TRA2A: variants seen among roughly 807,000 people sequenced by gnomAD.
TRA2A encodes the protein transformer 2 alpha homolog, also known as transformer-2 protein homolog alpha.
In TRA2A, 31 loss-of-function variants were observed where a neutral mutation model predicts 45.7. That is an observed-to-expected ratio of 0.68 (90% CI 0.51 to 0.92). The LOEUF (loss-of-function observed/expected upper bound fraction) is 0.92, where lower values mean the gene tolerates loss of function less well. Ranked by LOEUF, TRA2A falls within the 40% of genes least tolerant of loss-of-function variation. The pLI is 0.00. For missense variants in TRA2A, 304 were observed against 367.5 expected, an observed-to-expected ratio of 0.83 and a Z score of 1.41; for synonymous variants, 132 against 126.2, an observed-to-expected ratio of 1.05 and a Z score of -0.31.
intron 4 of TRA2A, among the ~76,000 whole-genome samples, chr7:23,509,768 C>T (rs1433266424): frequency 1.3e-5 from 2 of 151,812 alleles, no homozygotes; most frequent in African/African-American, 4.8e-5. Context: ...TGAAGTGGCT[C>T]ATGCCTGTAA....
intron 2 of TRA2A, among the ~76,000 whole-genome samples, chr7:23,521,294 G>A (rs1010450403): frequency 2.0e-5 from 3 of 152,154 alleles, no homozygotes; most frequent in East Asian, 1.9e-4. Flanking sequence ...GCAGAAAACC[G>A]CCTTTTTGTT....
At chr7:23,531,706 C>T in intron 1 of TRA2A, 83 bp downstream of exon 1, 2 of 1,532,666 alleles carry the variant, frequency 1.3e-6, no homozygotes, top group Non-Finnish European at 1.8e-6. Context: ...GGACTACCCG[C>T]AACCCCGCCC....
chr7:23,515,516 C>T (rs780064335), intron 3 of TRA2A, among the ~76,000 whole-genome samples: 9 of 150,792 alleles, frequency 6.0e-5, no homozygotes, highest in East Asian at 4.0e-4. Flanking sequence ...CACGCCCGGC[C>T]GGAACATATT....
chr7:23,531,694 C>G, intron 1 of TRA2A, 95 bp downstream of exon 1: 1 of 1,406,444 alleles, frequency 7.1e-7, no homozygotes, highest in African/African-American at 1.4e-5. Flanking sequence ...TTGCTCCTCG[C>G]GGGACTACCC....
chr7:23,516,442 G>T lies in TRA2A; in HGVS notation c.257C>A (p.Ser86Ter). The T allele has an allele frequency of 6.2e-7, 1 of 1,614,228 alleles. No individual in the cohort carries two copies. Among genetic ancestry groups the T allele is most frequent in the Non-Finnish European group, 8.5e-7 (1 of 1,180,030 alleles). The change falls in exon 3 of 8, where the codon TCA (serine) becomes TAA (stop). Residue 86 changes from serine to a stop codon, truncating the protein, a stop_gained. Transcript: ENST00000297071. LOFTEE classifies it high-confidence loss of function. ...TCGCCGCCGGTATTCTGGTGTATAT[G>T]ATCTACTTCGAGATCGTCTCCTATG... is the stretch of plus-strand genomic sequence containing the variant. ...HSHRRRSRSR[S>*]YTPEYRRRRS...
intron 2 of TRA2A, among the ~76,000 whole-genome samples, chr7:23,520,220 CA>C (rs1790070879): frequency 6.6e-6 from 1 of 152,060 alleles, no homozygotes. Context: ...CATCTCAAAA[CA>C]AAAACAAAAA....
At chr7:23,516,605 A>C in intron 2 of TRA2A, 77 bp from the exon 3 acceptor site, 1 of 1,307,930 alleles carries the variant, frequency 7.6e-7, no homozygotes, top group South Asian at 1.3e-5. Flanking sequence ...GAAGGTATAC[A>C]TATATCCCTA....
In TRA2A at chr7:23,508,766, T is replaced by A. The variant is rs1048543460; in HGVS notation, c.526-1231A>T. On this transcript the variant is annotated intron_variant, in intron 4 of 7. Transcript: ENST00000297071. ...GCCTTGGCCTCCCAAAGTGCTGGGA[T>A]TACAGGCGTAAGCCACCACGCCTGG... Among the ~76,000 whole-genome samples the A allele has an allele frequency of 2.0e-5, 3 of 152,252 alleles. No individual in the cohort carries two copies. In the East Asian group the frequency reaches 5.8e-4, roughly 30 times the overall value.
chr7:23,505,502 A>T lies in TRA2A; in HGVS notation c.*57T>A. ...ACAGCTTGGGGAAATCTCAGAATTA[A>T]AAAAAAAAAAAAAAAAAAGAGGAAA... is the stretch of plus-strand genomic sequence containing the variant. On this transcript the variant is annotated 3_prime_UTR_variant, in exon 8 of 8. Coordinates refer to ENST00000297071, the MANE Select transcript of TRA2A (RefSeq NM_013293.5). 11 of 248,888 alleles carry T rather than the reference A, an allele frequency of 4.4e-5. No individual in the cohort carries two copies. The highest frequency in any genetic ancestry group is 5.6e-5 in the Non-Finnish European group (7 of 124,244). 15.4% of individuals were successfully genotyped at this position (248,888 alleles called of 1,614,324 possible).
intron 2 of TRA2A, among the ~76,000 whole-genome samples, chr7:23,517,502 A>AAAAAAG (rs1789935260): frequency 6.8e-6 from 1 of 146,784 alleles, no homozygotes; most frequent in African/African-American, 2.5e-5. Context: ...AAAAAAAAAA[A>AAAAAAG]AAGAGAGAAA....
chr7:23,518,101 G>C (rs1027735119), intron 2 of TRA2A, among the ~76,000 whole-genome samples: 1 of 151,700 alleles, frequency 6.6e-6, no homozygotes, highest in Non-Finnish European at 1.5e-5. Context: ...ACCATGCCTG[G>C]CTAATTTTTA....
chr7:23,519,810 A>C (rs888651416), intron 2 of TRA2A, among the ~76,000 whole-genome samples: 1 of 152,228 alleles, frequency 6.6e-6, no homozygotes, highest in Non-Finnish European at 1.5e-5. Flanking sequence ...AGAAGAGTTG[A>C]TATTTCCCAT....
Position 23,505,823 on chromosome 7 carries a change from A to G in TRA2A, c.771-10T>C. The G allele has an allele frequency of 6.7e-7, 1 of 1,503,648 alleles. No individual in the cohort carries two copies. Among genetic ancestry groups the G allele is most frequent in the South Asian group, 1.3e-5 (1 of 76,010 alleles). 93.1% of individuals were successfully genotyped at this position (1,503,648 alleles called of 1,614,324 possible). A position where few individuals can be genotyped will look rare whatever the true frequency, so the allele number is the denominator to read the frequency against. Reference sequence around the variant, plus strand: ...AGAAGGTGATCGTCTTCTGTAAGAAATGAAAGATTACTTAGCATACTATAT... The same window carrying G: ...AGAAGGTGATCGTCTTCTGTAAGAAGTGAAAGATTACTTAGCATACTATAT... On this transcript the variant is annotated splice_polypyrimidine_tract_variant and intron_variant, in intron 6 of 7. Coordinates refer to ENST00000297071, the MANE Select transcript of TRA2A (RefSeq NM_013293.5).
At chr7:23,505,844 T>C (rs1396331645) in intron 6 of TRA2A, 31 bp from the exon 7 acceptor site, 3 of 1,335,674 alleles carry the variant, frequency 2.2e-6, no homozygotes, top group East Asian at 4.8e-5. Flanking sequence ...CTTAGCATAC[T>C]ATATAATCAC....
intron 4 of TRA2A, among the ~76,000 whole-genome samples, chr7:23,509,150 G>T (rs1050135884): frequency 2.6e-5 from 4 of 152,040 alleles, no homozygotes; most frequent in African/African-American, 9.7e-5. Context: ...TTTTTAAAAA[G>T]AACTTTACAT....
intron 1 of TRA2A, among the ~76,000 whole-genome samples, chr7:23,523,232 T>A (rs1267402231): frequency 1.3e-5 from 2 of 152,166 alleles, no homozygotes; most frequent in Non-Finnish European, 2.9e-5. Context: ...ATTTATGCAT[T>A]TATGTATACT....
rs141629579 is a variant in TRA2A, at chr7:23,527,530, A to C, written c.36+4259T>G. On this transcript the variant is annotated intron_variant, in intron 1 of 7. Coordinates refer to ENST00000297071, the MANE Select transcript of TRA2A (RefSeq NM_013293.5). Reference sequence around the variant, plus strand: ...GAGCACCCACTGATACTATCAAAGAAAGTTTTCTGCCAGTCAAGTTCTAGG... The same window carrying C: ...GAGCACCCACTGATACTATCAAAGACAGTTTTCTGCCAGTCAAGTTCTAGG... 6.1e-3 allele frequency among the ~76,000 whole-genome samples: 933 copies of C among 152,332 alleles called. 15 individuals carry two copies. Among genetic ancestry groups the C allele is most frequent in the African/African-American group, 0.022 (896 of 41,582 alleles).
At chr7:23,517,573 C>T (rs183618257) in intron 2 of TRA2A, among the ~76,000 whole-genome samples, 1 of 148,224 alleles carries the variant, frequency 6.7e-6, no homozygotes, top group African/African-American at 2.5e-5. Context: ...AGCAAGACTC[C>T]ACACTTCTAT....
chr7:23,516,374 T>C lies in TRA2A; in HGVS notation c.325A>G (p.Thr109Ala). ...TATAAACCACGTACCCTGCTGCCAGTATGTCTTCTCCGGTTAGACATTGGA... is the reference window on the plus strand; with the variant it reads ...TATAAACCACGTACCCTGCTGCCAGCATGTCTTCTCCGGTTAGACATTGGA... ...HSPMSNRRRH[T>A]GSRANPDPNT... is the part of the protein sequence containing the mutation. Residue 109 changes from threonine to alanine, a missense_variant, in exon 3 of 8, where the codon ACT becomes GCT. Around this residue, in one of 3 missense-constraint regions of TRA2A, gnomAD observed 130 missense variants for 217.1 expected, o/e 0.60. Transcript: ENST00000297071. 1 of 1,614,206 alleles carries C rather than the reference T, an allele frequency of 6.2e-7. No homozygotes were observed. The highest frequency in any genetic ancestry group is 8.5e-7 in the Non-Finnish European group (1 of 1,180,032).
Sources: allele counts gnomAD v4.1 joint callset (sites outside exome capture counted in the v4.1 genomes callset), GRCh38; gene constraint gnomAD v4.1.1; regional missense constraint gnomAD v4.1.1; transcripts MANE v1.5; gene names NCBI Gene and HGNC (gene_info 2026-07-23, HGNC 2026-07-21).